COP1: variants seen among roughly 807,000 people sequenced by gnomAD.
COP1 encodes the protein COP1 E3 ubiquitin ligase, also known as E3 ubiquitin-protein ligase COP1.
COP1 carries 24 observed loss-of-function variants against 101.3 expected under a neutral mutation model. The ratio of observed to expected loss-of-function variants is 0.24; its 90% CI spans 0.17 to 0.33. The LOEUF (loss-of-function observed/expected upper bound fraction) is 0.33. COP1 is among the 10% of genes least tolerant of loss of function. The pLI is 1.00. For missense variants in COP1, 663 were observed against 906.2 expected, an observed-to-expected ratio of 0.73 and a Z score of 3.45; for synonymous variants, 347 against 341.9, an observed-to-expected ratio of 1.01 and a Z score of -0.17.
chr1:176,065,707 T>G (rs2481656), intron 11 of COP1, among the ~76,000 whole-genome samples: 108,639 of 130,868 alleles, frequency 0.83, 44,451 homozygotes, highest in East Asian at 0.98. Context: ...GATAATGATT[T>G]TTTTTTTTTT....
intron 18 of COP1, among the ~76,000 whole-genome samples, chr1:175,972,799 T>A (rs1270219583): frequency 6.6e-6 from 1 of 151,924 alleles, no homozygotes; most frequent in African/African-American, 2.4e-5. Context: ...TCAGGAAGCT[T>A]TTTAGCTCAT....
intron 9 of COP1, among the ~76,000 whole-genome samples, chr1:176,091,274 G>A (rs529107929): frequency 6.6e-6 from 1 of 151,800 alleles, no homozygotes; most frequent in African/African-American, 2.4e-5. Flanking sequence ...GGAGGCAGAG[G>A]TTGCAGAGAG....
Position 175,988,344 on chromosome 1 carries a change from T to C in COP1, c.1916A>G (p.His639Arg). ...KPYCLRSFKGHINEKNFVGLA... is the reference protein window; with the variant it reads ...KPYCLRSFKGRINEKNFVGLA... ...GCCTACAAAGTTTTTTTCATTGATA[T>C]GACCCTTGAAGGAACGTAGGCAGTA... The change falls in exon 17 of 20, where the codon CAT (histidine) becomes CGT (arginine). Residue 639 changes from histidine (H) to arginine (R), a missense_variant. His to Arg is a conservative substitution (Grantham distance 29). Around this residue, in one of 4 missense-constraint regions of COP1, gnomAD observed 209 missense variants for 383.3 expected, o/e 0.55. Transcript: ENST00000367669. 1 of 1,612,788 alleles carries C rather than the reference T, an allele frequency of 6.2e-7. No individual in the cohort carries two copies. Among genetic ancestry groups the C allele is most frequent in the African/African-American group, 1.3e-5 (1 of 75,040 alleles).
chr1:176,026,276 A>G (rs1667642113), intron 15 of COP1, among the ~76,000 whole-genome samples: 1 of 152,058 alleles, frequency 6.6e-6, no homozygotes, highest in African/African-American at 2.4e-5. Flanking sequence ...CAGTATGTTT[A>G]TAAAACAGAA....
chr1:176,129,547 T>G (rs1688580942), intron 8 of COP1, among the ~76,000 whole-genome samples: 1 of 151,884 alleles, frequency 6.6e-6, no homozygotes, highest in Admixed American at 6.6e-5. Flanking sequence ...AGTACTTGTA[T>G]TTTGTACTAC....
chr1:176,157,609 C>G (rs1693673219), intron 5 of COP1, among the ~76,000 whole-genome samples: 1 of 152,150 alleles, frequency 6.6e-6, no homozygotes, highest in Non-Finnish European at 1.5e-5. Context: ...TGCTCTGCTC[C>G]TCCCTATCAT....
At chr1:176,096,669 A>AT (rs142942753) in intron 9 of COP1, among the ~76,000 whole-genome samples, 48 of 150,500 alleles carry the variant, frequency 3.2e-4, no homozygotes, top group African/African-American at 6.3e-4. Context: ...ACGTGAGAGG[A>AT]TTTTTTTTTT....
intron 1 of COP1, among the ~76,000 whole-genome samples, chr1:176,190,940 G>A (rs184032253): frequency 6.6e-6 from 1 of 151,972 alleles, no homozygotes; most frequent in East Asian, 1.9e-4. Flanking sequence ...TAATATTACT[G>A]AGATAATCAG....
intron 15 of COP1, among the ~76,000 whole-genome samples, chr1:175,992,868 C>A (rs565433600): frequency 2.6e-5 from 4 of 152,214 alleles, no homozygotes; most frequent in Non-Finnish European, 5.9e-5. Context: ...ATGTCCCTGT[C>A]TGACAGCTTT....
chr1:176,074,450 A>T (rs1677595510), intron 11 of COP1, among the ~76,000 whole-genome samples: 1 of 152,122 alleles, frequency 6.6e-6, no homozygotes, highest in African/African-American at 2.4e-5. Context: ...TTAAAATTGG[A>T]ATTTTTTCTT....
At chr1:176,158,365 G>A (rs947162174) in intron 5 of COP1, among the ~76,000 whole-genome samples, 15 of 151,978 alleles carry the variant, frequency 9.9e-5, no homozygotes, top group African/African-American at 3.4e-4. Context: ...TTCGCCTCTC[G>A]CCGTCCTGCA....
chr1:175,990,317 T>A (rs1296310755), intron 15 of COP1, among the ~76,000 whole-genome samples: 3 of 152,186 alleles, frequency 2.0e-5, no homozygotes, highest in Admixed American at 6.5e-5. Context: ...GTTTTGTATG[T>A]CTTCAATCAT....
At chr1:176,127,234 T>C (rs1422272255) in intron 8 of COP1, among the ~76,000 whole-genome samples, 1 of 152,164 alleles carries the variant, frequency 6.6e-6, no homozygotes, top group Non-Finnish European at 1.5e-5. Flanking sequence ...CTTTTGCTAT[T>C]CTAAAACATA....
At chr1:176,205,950 T>G (rs1360480728) in intron 1 of COP1, among the ~76,000 whole-genome samples, 1 of 152,240 alleles carries the variant, frequency 6.6e-6, no homozygotes, top group Non-Finnish European at 1.5e-5. Context: ...AGACTTTGAC[T>G]ACAGTCGTCT....
intron 10 of COP1, among the ~76,000 whole-genome samples, chr1:176,084,327 G>C (rs1165356501): frequency 6.6e-6 from 1 of 152,068 alleles, no homozygotes; most frequent in African/African-American, 2.4e-5. Flanking sequence ...AATAGAAAAT[G>C]AGTTACTTTT....
At chr1:176,028,710 T>TAC (rs1335377866) in intron 14 of COP1, among the ~76,000 whole-genome samples, 1 of 131,764 alleles carries the variant, frequency 7.6e-6, no homozygotes, top group Non-Finnish European at 1.6e-5. Context: ...TATATATATA[T>TAC]ATATATATAT....
intron 14 of COP1, among the ~76,000 whole-genome samples, chr1:176,031,465 T>C (rs1312871177): frequency 6.6e-6 from 1 of 152,170 alleles, no homozygotes; most frequent in Non-Finnish European, 1.5e-5. Flanking sequence ...TTCATTTAAC[T>C]TCCAAAATTT....
chr1:176,172,986 G>A (rs189918676), intron 3 of COP1, among the ~76,000 whole-genome samples: 174 of 152,238 alleles, frequency 1.1e-3, no homozygotes, highest in Middle Eastern at 6.8e-3. Flanking sequence ...AGCTGCACTA[G>A]AGATCACCGT....
intron 15 of COP1, among the ~76,000 whole-genome samples, chr1:176,006,939 A>T (rs1250890341): frequency 1.3e-5 from 2 of 151,932 alleles, no homozygotes; most frequent in African/African-American, 4.8e-5. Flanking sequence ...TATCCTGCAG[A>T]GTGTTTTCCA....
Sources: gnomAD v4.1 joint callset for allele counts (sites outside exome capture counted in the v4.1 genomes callset) on GRCh38, gnomAD v4.1.1 for gene constraint, gnomAD v4.1.1 regional missense constraint, MANE v1.5 for transcripts, NCBI Gene and HGNC (gene_info 2026-07-23, HGNC 2026-07-21) for gene names.